The following KIAA1217 variants were observed in gnomAD, a reference collection of about 807,000 sequenced individuals.
The protein encoded by KIAA1217 is KIAA1217, also known as sickle tail protein homolog.
Under a neutral mutation model 163.9 loss-of-function variants are expected in KIAA1217, and 88 were observed. The observed-to-expected ratio is 0.54, with a 90% CI of 0.45 to 0.64. KIAA1217 has a LOEUF of 0.64. Among genes scored for constraint, KIAA1217 ranks in the 30% least tolerant of loss-of-function variants. KIAA1217 has a pLI of 0.00. For missense variants in KIAA1217, 2,372 were observed against 2,475.0 expected (o/e 0.96, Z 0.88); for synonymous variants, 903 against 923.1 (o/e 0.98, Z 0.39).
intron 1 of KIAA1217, among the ~76,000 whole-genome samples, chr10:23,796,170 A>C (rs957424955): frequency 2.0e-5 from 3 of 152,132 alleles, no homozygotes; most frequent in Admixed American, 2.0e-4. Flanking sequence ...CCCAAAGGAC[A>C]TAGGGGTGTG....
At chr10:23,988,295 A>G (rs1030244917) in intron 1 of KIAA1217, among the ~76,000 whole-genome samples, 1 of 152,170 alleles carries the variant, frequency 6.6e-6, no homozygotes, top group Non-Finnish European at 1.5e-5. Flanking sequence ...CAGATGTGGA[A>G]TTTTTTTAGC....
At chr10:23,922,719 A>C (rs1842892034) in intron 1 of KIAA1217, among the ~76,000 whole-genome samples, 1 of 152,188 alleles carries the variant, frequency 6.6e-6, no homozygotes, top group Admixed American at 6.5e-5. Context: ...CTTTGACTCA[A>C]GAGTGGAGAA....
chr10:24,094,212 T>A lies in KIAA1217; in HGVS notation c.-171+86838T>A, dbSNP rs568371227. Reference sequence around the variant, plus strand: ...AATGGTATTTCTAGTTCTAGATCCCTGAGGAATCACCACACTGACTTCCAC... The same window carrying A: ...AATGGTATTTCTAGTTCTAGATCCCAGAGGAATCACCACACTGACTTCCAC... On this transcript the variant is annotated intron_variant, in intron 2 of 18. Coordinates refer to the KIAA1217 transcript ENST00000376462. Among the ~76,000 whole-genome samples the A allele has an allele frequency of 1.1e-4, 17 of 152,300 alleles. No homozygotes were observed. In the East Asian group the frequency reaches 3.3e-3, roughly 29 times the overall value.
intron 2 of KIAA1217, among the ~76,000 whole-genome samples, chr10:24,184,499 T>C (rs542444931): frequency 1.3e-5 from 2 of 152,338 alleles, no homozygotes; most frequent in South Asian, 4.1e-4. Context: ...TAAGCTATCA[T>C]TTGTGCAGCA....
At chr10:23,943,327 T>G (rs1843863178) in intron 1 of KIAA1217, among the ~76,000 whole-genome samples, 1 of 152,214 alleles carries the variant, frequency 6.6e-6, no homozygotes, top group Non-Finnish European at 1.5e-5. Flanking sequence ...CAGCATATAA[T>G]GATCAATTGT....
chr10:24,256,438 G>T (rs1387331164), intron 2 of KIAA1217, among the ~76,000 whole-genome samples: 1 of 152,170 alleles, frequency 6.6e-6, no homozygotes, highest in Non-Finnish European at 1.5e-5. Context: ...GAAAATCCCT[G>T]GCCCTGGAGT....
chr10:24,348,199 C>G (rs1215255550), intron 2 of KIAA1217, among the ~76,000 whole-genome samples: 1 of 152,018 alleles, frequency 6.6e-6, no homozygotes, highest in East Asian at 1.9e-4. Flanking sequence ...ACTGAAAATA[C>G]AAAATTAGCT....
Position 24,524,458 on chromosome 10 carries a change from C to T in KIAA1217, c.2592C>T (p.His864=), listed in dbSNP as rs1791004809. The T allele has an allele frequency of 6.2e-7, 1 of 1,614,206 alleles. No individual in the cohort carries two copies. Among genetic ancestry groups the T allele is most frequent in the African/African-American group, 1.3e-5 (1 of 75,070 alleles). ...CCCACACCTCCGGCCAGCCCTTCCACAGCACAGGTGCCCCTGGCGATGCGA... is the reference window on the plus strand; with the variant it reads ...CCCACACCTCCGGCCAGCCCTTCCATAGCACAGGTGCCCCTGGCGATGCGA... The part of the protein sequence containing the change: ...EAAHTSGQPF[H]STGAPGDAKS... Residue 864 remains histidine, a synonymous_variant, in exon 13 of 21, where the codon CAC becomes CAT. Coordinates refer to ENST00000376454, the MANE Select transcript of KIAA1217 (RefSeq NM_019590.5).
intron 1 of KIAA1217, among the ~76,000 whole-genome samples, chr10:23,858,580 A>G (rs1389783832): frequency 6.6e-6 from 1 of 152,048 alleles, no homozygotes; most frequent in Non-Finnish European, 1.5e-5. Flanking sequence ...GAAAAAAACA[A>G]CTTGAATCTG....
chr10:23,757,450 G>A (rs1003188873), intron 1 of KIAA1217, among the ~76,000 whole-genome samples: 1 of 152,062 alleles, frequency 6.6e-6, no homozygotes. Context: ...GTGAGGGGGT[G>A]TCTCATTGTG....
chr10:23,777,692 T>TA (rs200341583), intron 1 of KIAA1217, among the ~76,000 whole-genome samples: 1,652 of 150,184 alleles, frequency 0.011, 48 homozygotes, highest in African/African-American at 0.033. Context: ...AATCTGTCAT[T>TA]AAAAAAAAAT....
chr10:24,468,947 C>G (rs1478966846), intron 5 of KIAA1217, among the ~76,000 whole-genome samples: 1 of 152,020 alleles, frequency 6.6e-6, no homozygotes, highest in Non-Finnish European at 1.5e-5. Flanking sequence ...ATCTCCTAAC[C>G]ATTTTTTGCA....
chr10:24,059,790 C>T (rs2060651652), intron 2 of KIAA1217, among the ~76,000 whole-genome samples: 1 of 152,122 alleles, frequency 6.6e-6, no homozygotes, highest in Admixed American at 6.5e-5. Context: ...TGGTCTCGAT[C>T]TCCTGACCTC....
In KIAA1217 at chr10:24,338,010, T is replaced by C. The variant is rs190387734; in HGVS notation, c.355-42859T>C. Among the ~76,000 whole-genome samples the C allele has an allele frequency of 9.2e-5, 14 of 152,318 alleles. No individual in the cohort carries two copies. The East Asian group carries it at 2.7e-3, about 29-fold the overall frequency. ...AGTTTCAGCAGTACATGGGACATTG[T>C]AATCTCTCAAAGTGTTTTCTAAATT... On this transcript the variant is annotated intron_variant, in intron 2 of 20. Coordinates refer to ENST00000376454, the MANE Select transcript of KIAA1217 (RefSeq NM_019590.5).
chr10:23,728,552 G>A (rs1268268878), intron 1 of KIAA1217, among the ~76,000 whole-genome samples: 1 of 151,212 alleles, frequency 6.6e-6, no homozygotes, highest in African/African-American at 2.4e-5. Context: ...TGTAGATTCT[G>A]GATATTAGCC....
At chr10:24,318,893 GT>G (rs1381171669) in intron 2 of KIAA1217, among the ~76,000 whole-genome samples, 2 of 152,200 alleles carry the variant, frequency 1.3e-5, no homozygotes, top group Admixed American at 1.3e-4. Flanking sequence ...CCCTCAAAAA[GT>G]TAAAATATCC....
chr10:23,877,867 G>T (rs969200083), intron 1 of KIAA1217, among the ~76,000 whole-genome samples: 16 of 151,978 alleles, frequency 1.1e-4, no homozygotes, highest in African/African-American at 3.6e-4. Context: ...GTGACAGAGG[G>T]TTTCATGGAC....
intron 5 of KIAA1217, among the ~76,000 whole-genome samples, chr10:24,446,664 C>A (rs957255054): frequency 6.6e-6 from 1 of 152,214 alleles, no homozygotes; most frequent in African/African-American, 2.4e-5. Context: ...CATGCAATGA[C>A]AACGGTATCA....
At chr10:23,873,534 G>T (rs1840556136) in intron 1 of KIAA1217, among the ~76,000 whole-genome samples, 1 of 151,956 alleles carries the variant, frequency 6.6e-6, no homozygotes, top group Non-Finnish European at 1.5e-5. Context: ...GTTATAGTTA[G>T]GTAAACGGAT....
Sources: gnomAD v4.1 joint callset for allele counts (sites outside exome capture counted in the v4.1 genomes callset) on GRCh38, gnomAD v4.1.1 for gene constraint, MANE v1.5 for transcripts, NCBI Gene and HGNC (gene_info 2026-07-23, HGNC 2026-07-21) for gene names.